Variants in MCF2L2 observed in about 807,000 individuals in gnomAD.
MCF2L2 encodes the protein MCF.2 cell line derived transforming sequence-like 2, also known as probable guanine nucleotide exchange factor MCF2L2.
MCF2L2 carries 102 observed loss-of-function variants against 150.2 expected under a neutral mutation model. The ratio of observed to expected loss-of-function variants is 0.68; its 90% CI spans 0.58 to 0.80. MCF2L2 has a LOEUF of 0.80. Among genes scored for constraint, MCF2L2 ranks in the 30% least tolerant of loss-of-function variants. The pLI, the probability that MCF2L2 is intolerant of heterozygous loss-of-function variation, is 0.00. For synonymous variants in MCF2L2, 465 were observed against 491.3 expected (o/e 0.95, Z 0.71); for missense variants, 1,256 against 1,372.8 (o/e 0.91, Z 1.34).
intron 22 of MCF2L2, 45 bp from the exon 23 acceptor site, chr3:183,207,868 G>C (rs1319775611): frequency 6.9e-7 from 1 of 1,455,920 alleles, no homozygotes; most frequent in Middle Eastern, 1.8e-4. Context: ...AAAATTACTT[G>C]ACAGAGAAAG....
At chr3:183,360,007 T>A (rs1213216554) in intron 3 of MCF2L2, among the ~76,000 whole-genome samples, 1 of 152,212 alleles carries the variant, frequency 6.6e-6, no homozygotes, top group Non-Finnish European at 1.5e-5. Context: ...GTTCATTCAT[T>A]AACCAATGAT....
chr3:183,324,158 G>A (rs982323143), intron 5 of MCF2L2, among the ~76,000 whole-genome samples: 7 of 152,248 alleles, frequency 4.6e-5, no homozygotes, highest in Non-Finnish European at 1.0e-4. Context: ...GCGCCCCGAT[G>A]AAGAATATTG....
At chr3:183,372,739 C>A (rs912191316) in intron 3 of MCF2L2, 2 of 152,104 alleles carry the variant, frequency 1.3e-5, no homozygotes, top group African/African-American at 4.8e-5. Flanking sequence ...ACAAAATTAA[C>A]CATTGATATG....
At chr3:183,410,904 G>A (rs1405105061) in intron 1 of MCF2L2, among the ~76,000 whole-genome samples, 1 of 152,186 alleles carries the variant, frequency 6.6e-6, no homozygotes. Flanking sequence ...GACACAGGAG[G>A]GAAGCAGAGC....
chr3:183,362,109 CT>C (rs545641743), intron 3 of MCF2L2, among the ~76,000 whole-genome samples: 265 of 146,206 alleles, frequency 1.8e-3, no homozygotes, highest in Middle Eastern at 7.1e-3. Context: ...GTCTCAAGAA[CT>C]TTTTTTTTTT....
At chr3:183,246,640 C>T (rs1724267555) in intron 15 of MCF2L2, among the ~76,000 whole-genome samples, 1 of 152,192 alleles carries the variant, frequency 6.6e-6, no homozygotes. Context: ...AATAATGCTG[C>T]TATGAACACT....
intron 1 of MCF2L2, among the ~76,000 whole-genome samples, chr3:183,392,536 CTGCTT>C (rs1355503620): frequency 1.3e-5 from 2 of 152,226 alleles, no homozygotes; most frequent in African/African-American, 4.8e-5. Context: ...TAGCAATGAG[CTGCTT>C]TGCTTTAAGT....
chr3:183,407,032 T>C (rs1362568976), intron 1 of MCF2L2, among the ~76,000 whole-genome samples: 6 of 152,222 alleles, frequency 3.9e-5, no homozygotes, highest in African/African-American at 1.4e-4. Context: ...AATTTTTCTA[T>C]ATGGGGTGAG....
rs1444820047 is a variant in MCF2L2 at position 183,427,964 on chromosome 3, A to C, written c.14T>G (p.Leu5Ter). 6.2e-7 allele frequency: 1 copy of C among 1,613,304 alleles called. No individual in the cohort carries two copies. The highest frequency in any genetic ancestry group is 1.1e-5 in the South Asian group (1 of 90,966). MLSC[L>*]KEEMPPQELT... ...CTCCTGGGGAGGCATCTCTTCTTTT[A>C]AGCAAGACAGCATTTCACTGAAAAA... The change falls in exon 1 of 30, where the codon TTA (leucine) becomes TGA (stop). Residue 5 changes from leucine (L) to a stop codon, truncating the protein, a stop_gained. Transcript: ENST00000328913. LOFTEE classifies it high-confidence loss of function.
intron 25 of MCF2L2, among the ~76,000 whole-genome samples, chr3:183,202,291 G>T (rs1722314423): frequency 6.6e-6 from 1 of 152,152 alleles, no homozygotes. Context: ...TTAACTTCTT[G>T]GTTGCTCGAG....
At chr3:183,302,585 C>T (rs538435951) in intron 10 of MCF2L2, among the ~76,000 whole-genome samples, 13 of 152,208 alleles carry the variant, frequency 8.5e-5, no homozygotes, top group East Asian at 5.8e-4. Flanking sequence ...GGACCACTCC[C>T]GGTACAGTGT....
intron 1 of MCF2L2, among the ~76,000 whole-genome samples, chr3:183,422,919 A>G (rs1238596622): frequency 1.3e-5 from 2 of 152,072 alleles, no homozygotes; most frequent in Non-Finnish European, 2.9e-5. Flanking sequence ...TGGAACTCCA[A>G]CTCCACAACT....
At position 183,197,637 on chromosome 3, in the gene MCF2L2, T is replaced by C. The variant is rs1175832995; in HGVS notation, c.2885-2382A>G. 6.6e-6 allele frequency among the ~76,000 whole-genome samples: 1 copy of C among 152,220 alleles called. No homozygotes were observed. The highest frequency in any genetic ancestry group is 1.5e-5 in the Non-Finnish European group (1 of 68,044). On this transcript the variant is annotated intron_variant, in intron 25 of 29. Coordinates refer to ENST00000328913, the MANE Select transcript of MCF2L2 (RefSeq NM_015078.4). The surrounding 1 kb of genome is among the most constrained non-coding windows in gnomAD (Gnocchi z 4.5). ...AAATATTATAAGAATTAAAGTCTTT[T>C]GCTCTTCAAAAGTCACTCTTAAGAG...
rs1459020745 is a variant in MCF2L2 at position 183,227,344 on chromosome 3, G to A, written c.2115+953C>T. The A allele has an allele frequency of 6.6e-6, 1 of 152,158 alleles. No homozygotes were observed. The highest frequency in any genetic ancestry group is 1.5e-5 in the Non-Finnish European group (1 of 68,050). 9.4% of individuals were successfully genotyped at this position (152,158 alleles called of 1,614,324 possible). A position where few individuals can be genotyped will look rare whatever the true frequency, so the allele number is the denominator to read the frequency against. On this transcript the variant is annotated intron_variant, in intron 18 of 29. Transcript: ENST00000328913. This position sits in a 1 kb window ranked among gnomAD's most constrained non-coding sequence, Gnocchi z 4.0. Reference sequence around the variant, plus strand: ...ACAGGGTGGAGAAACAGGGAAAGAGGGAAGAAGTCTGGGAGGTGGGAAGAA... The same window carrying A: ...ACAGGGTGGAGAAACAGGGAAAGAGAGAAGAAGTCTGGGAGGTGGGAAGAA...
intron 13 of MCF2L2, 131 bp downstream of exon 13, chr3:183,295,169 A>T: frequency 1.1e-6 from 1 of 879,036 alleles, no homozygotes; most frequent in Non-Finnish European, 1.7e-6. Context: ...GCACTATGCT[A>T]TATCTGTAGT....
intron 3 of MCF2L2, among the ~76,000 whole-genome samples, chr3:183,343,295 A>T (rs1324980718): frequency 1.3e-5 from 2 of 152,080 alleles, no homozygotes; most frequent in Non-Finnish European, 2.9e-5. Context: ...TTTTACATAA[A>T]GTGGTGCTTG....
chr3:183,379,599 T>C (rs1244910916), intron 2 of MCF2L2, among the ~76,000 whole-genome samples, 188 bp from the exon 3 acceptor site: 4 of 152,196 alleles, frequency 2.6e-5, no homozygotes, highest in Admixed American at 1.3e-4. Flanking sequence ...CTCCATGGCA[T>C]TGTAAGAATT....
chr3:183,228,770 GCT>G lies in MCF2L2; in HGVS notation c.2046-406_2046-405del, dbSNP rs548282940. Among the ~76,000 whole-genome samples, 219 of 152,250 alleles carry G rather than the reference GCT, an allele frequency of 1.4e-3. 3 individuals carry two copies. The highest frequency in any genetic ancestry group is 0.013 in the Admixed American group (205 of 15,282). On this transcript the variant is annotated intron_variant, in intron 17 of 29. Coordinates refer to ENST00000328913, the MANE Select transcript of MCF2L2 (RefSeq NM_015078.4). The stretch of plus-strand genomic sequence containing the variant: ...AGATAGACTGGATACATTCACTGAT[GCT>G]CTCTCTTACATGAAAGTAACGTTCA...
At chr3:183,209,981 C>A (rs1175539231) in intron 22 of MCF2L2, among the ~76,000 whole-genome samples, 1 of 151,672 alleles carries the variant, frequency 6.6e-6, no homozygotes, top group Non-Finnish European at 1.5e-5. Context: ...AGCATTTTGG[C>A]TAAGGGATAT....
Sources: allele counts gnomAD v4.1 joint callset (sites outside exome capture counted in the v4.1 genomes callset), GRCh38; gene constraint gnomAD v4.1.1; non-coding constraint Gnocchi (gnomAD v3.1); transcripts MANE v1.5; gene names NCBI Gene and HGNC (gene_info 2026-07-23, HGNC 2026-07-21).